HTR4: variants seen among roughly 807,000 people sequenced by gnomAD.
HTR4 encodes 5-hydroxytryptamine receptor 4.
Under a neutral mutation model 36.8 loss-of-function variants are expected in HTR4, and 16 were observed. The ratio of observed to expected loss-of-function variants is 0.43; its 90% CI spans 0.29 to 0.66. HTR4 has a LOEUF of 0.66. HTR4 is among the 30% of genes least tolerant of loss of function. The pLI is 0.13. For synonymous variants in HTR4, 189 were observed against 185.1 expected, an observed-to-expected ratio of 1.02 and a Z score of -0.17; for missense variants, 438 against 490.9, an observed-to-expected ratio of 0.89 and a Z score of 1.02.
rs200697797 is a variant in HTR4, at chr5:148,509,792, C to T, written c.740G>A (p.Ser247Asn). The T allele has an allele frequency of 1.7e-5, 28 of 1,613,992 alleles. No homozygotes were observed. In the South Asian group the frequency reaches 3.1e-4, roughly 18 times the overall value. Residue 247 changes from serine (S) to asparagine (N), a missense_variant, in exon 6 of 7, where the codon AGC becomes AAC. Ser to Asn is a conservative substitution (Grantham distance 46). Coordinates refer to ENST00000377888, the MANE Select transcript of HTR4 (RefSeq NM_000870.7). ...GGTCTCTGTCCTCATGCGATGAGTGCTATGCTGGTCTGCCGACTGAGGCCT... is the reference window on the plus strand; with the variant it reads ...GGTCTCTGTCCTCATGCGATGAGTGTTATGCTGGTCTGCCGACTGAGGCCT... ...ESRPQSADQH[S>N]THRMRTETKA...
chr5:148,640,159 G>A (rs1753679966), intron 1 of HTR4, among the ~76,000 whole-genome samples: 1 of 152,148 alleles, frequency 6.6e-6, no homozygotes, highest in Non-Finnish European at 1.5e-5. Context: ...CATCATTCTT[G>A]TCATCTTATT....
chr5:148,579,861 A>G (rs890317082), intron 2 of HTR4, among the ~76,000 whole-genome samples: 1 of 152,026 alleles, frequency 6.6e-6, no homozygotes, highest in Admixed American at 6.6e-5. Context: ...TGATTTCTGC[A>G]TCTCTTTCCT....
intron 1 of HTR4, among the ~76,000 whole-genome samples, chr5:148,652,468 T>G (rs977171218): frequency 6.6e-6 from 1 of 152,060 alleles, no homozygotes; most frequent in African/African-American, 2.4e-5. Context: ...GGGAAGGAGA[T>G]GAGGAGATGA....
At chr5:148,484,259 C>G in intron 6 of HTR4, 1 of 1,612,520 alleles carries the variant, frequency 6.2e-7, no homozygotes, top group South Asian at 1.1e-5. Context: ...ATCATAGTTA[C>G]CCCAAGACAG....
rs1754122288 is a variant in HTR4, at chr5:148,654,079, G to A, written c.-65C>T. ...GCACATACCCGCTGCCAGAGGCGAG[G>A]GAGCGAGGTGCCCTGGCAGATTCGA... On this transcript the variant is annotated 5_prime_UTR_variant, in exon 1 of 7. Transcript: ENST00000377888. 1.0e-6 allele frequency: 1 copy of A among 985,314 alleles called. No individual in the cohort carries two copies. Among genetic ancestry groups the A allele is most frequent in the African/African-American group, 1.7e-5 (1 of 57,318 alleles). The allele number at this position is 985,314 out of a possible 1,614,324, so 61.0% of individuals were successfully genotyped here.
chr5:148,504,156 T>G (rs566717925), intron 6 of HTR4, among the ~76,000 whole-genome samples: 11 of 152,208 alleles, frequency 7.2e-5, no homozygotes, highest in Non-Finnish European at 1.3e-4. Context: ...AATAGACGTC[T>G]ACAGAACTCT....
At chr5:148,530,317 A>G (rs993145175) in intron 4 of HTR4, among the ~76,000 whole-genome samples, 1 of 152,064 alleles carries the variant, frequency 6.6e-6, no homozygotes, top group Non-Finnish European at 1.5e-5. Context: ...AGCCTAGGAG[A>G]AAAAATGGTT....
intron 2 of HTR4, among the ~76,000 whole-genome samples, chr5:148,578,365 C>G (rs1049005327): frequency 1.3e-5 from 2 of 152,060 alleles, no homozygotes; most frequent in African/African-American, 4.8e-5. Flanking sequence ...GACCACCACC[C>G]AGCACCTAGT....
At chr5:148,605,458 A>T (rs1752124233) in intron 2 of HTR4, among the ~76,000 whole-genome samples, 1 of 151,186 alleles carries the variant, frequency 6.6e-6, no homozygotes, top group Non-Finnish European at 1.5e-5. Flanking sequence ...GGGTTTCACC[A>T]TGTTGGCCAG....
chr5:148,551,020 T>C (rs1364142355), intron 2 of HTR4, among the ~76,000 whole-genome samples: 2 of 152,106 alleles, frequency 1.3e-5, no homozygotes, highest in Non-Finnish European at 2.9e-5. Context: ...GCCGATCAAC[T>C]TACAATGAAG....
At chr5:148,463,293 C>G (rs1249197890) in intron 5 of HTR4, among the ~76,000 whole-genome samples, 1 of 150,470 alleles carries the variant, frequency 6.6e-6, no homozygotes, top group East Asian at 2.0e-4. Context: ...TTGCCTCAGC[C>G]TCCCAAGTAG....
intron 2 of HTR4, among the ~76,000 whole-genome samples, chr5:148,617,357 A>G (rs1008772739): frequency 5.3e-5 from 8 of 152,234 alleles, no homozygotes; most frequent in African/African-American, 1.9e-4. Flanking sequence ...ACCATGAGCC[A>G]ACTAAACCTC....
intron 5 of HTR4, among the ~76,000 whole-genome samples, chr5:148,511,619 TTGTGTGTGTGTG>T (rs529668445): frequency 3.6e-5 from 5 of 139,346 alleles, no homozygotes; most frequent in South Asian, 2.4e-4. Flanking sequence ...TTGTGGAAGT[TTGTGTGTGTGTG>T]TGTGTGTGTG....
chr5:148,651,185 T>C (rs1754021186), intron 1 of HTR4, among the ~76,000 whole-genome samples: 1 of 152,172 alleles, frequency 6.6e-6, no homozygotes, highest in Admixed American at 6.5e-5. Context: ...CATATCAAGG[T>C]CTAGATTAAT....
chr5:148,483,442 C>A (rs1485923500), intron 6 of HTR4, 149 bp from the exon 7 acceptor site: 8 of 687,490 alleles, frequency 1.2e-5, no homozygotes, highest in African/African-American at 1.8e-5. Context: ...CATTGACAGG[C>A]CAGTCCATAT....
intron 1 of HTR4, among the ~76,000 whole-genome samples, chr5:148,652,330 T>A (rs1171408786): frequency 6.6e-6 from 1 of 152,108 alleles, no homozygotes; most frequent in Non-Finnish European, 1.5e-5. Flanking sequence ...AAAGGTGACT[T>A]CAGTTCCCAG....
chr5:148,498,575 T>C (rs1294325170), intron 6 of HTR4, among the ~76,000 whole-genome samples: 2 of 152,162 alleles, frequency 1.3e-5, no homozygotes, highest in Non-Finnish European at 2.9e-5. Flanking sequence ...CCTCAAGGAA[T>C]ACTTGATATA....
At position 148,634,724 on chromosome 5, in the gene HTR4, C is replaced by T. The variant is rs770124105; in HGVS notation, c.26+2265G>A. Among the ~76,000 whole-genome samples the T allele has an allele frequency of 9.9e-4, 151 of 152,266 alleles. 1 individual carries two copies. Among genetic ancestry groups the T allele is most frequent in the Admixed American group, 2.4e-3 (37 of 15,278 alleles). On this transcript the variant is annotated intron_variant, in intron 2 of 6. Transcript: ENST00000377888. ...GTCCCTTACAACTAATGTTTTGCCC[C>T]TTCCCAAACAGAGCCCAGATTCTCC...
chr5:148,587,236 G>A (rs1561635662), intron 2 of HTR4, among the ~76,000 whole-genome samples: 1 of 152,216 alleles, frequency 6.6e-6, no homozygotes, highest in Non-Finnish European at 1.5e-5. Flanking sequence ...ATATCTTGAA[G>A]ATATTTATAG....
Sources: allele counts gnomAD v4.1 joint callset (sites outside exome capture counted in the v4.1 genomes callset), GRCh38; gene constraint gnomAD v4.1.1; transcripts MANE v1.5; gene names NCBI Gene and HGNC (gene_info 2026-07-23, HGNC 2026-07-21).